Variants in SYNRG observed in about 807,000 individuals in gnomAD.
SYNRG encodes synergin gamma.
A neutral mutation model predicts 130.9 loss-of-function variants in SYNRG; 37 were observed. That is an observed-to-expected ratio of 0.28 (90% CI 0.22 to 0.37). The LOEUF (loss-of-function observed/expected upper bound fraction) is 0.37. Among genes scored for constraint, SYNRG ranks in the 10% least tolerant of loss-of-function variants. The probability of loss-of-function intolerance (pLI) is 1.00; values close to 1 mark genes in which losing one functional copy is unlikely to be tolerated. For synonymous variants in SYNRG, 539 were observed against 568.1 expected, an observed-to-expected ratio of 0.95 and a Z score of 0.73; for missense variants, 1,338 against 1,588.9, an observed-to-expected ratio of 0.84 and a Z score of 2.68.
intron 3 of SYNRG, among the ~76,000 whole-genome samples, chr17:37,594,597 G>T (rs796198607): frequency 1.5e-4 from 23 of 151,952 alleles, no homozygotes; most frequent in African/African-American, 5.3e-4. Flanking sequence ...GAGTAGCTGG[G>T]ATTACAGGCA....
At chr17:37,570,584 G>A in intron 10 of SYNRG, 53 bp downstream of exon 10, 1 of 1,557,978 alleles carries the variant, frequency 6.4e-7, no homozygotes, top group South Asian at 1.2e-5. Flanking sequence ...AAAAAATGGT[G>A]CCCAGATTCA....
intron 18 of SYNRG, chr17:37,537,556 G>C (rs2057321776): frequency 6.6e-6 from 1 of 152,310 alleles, no homozygotes; most frequent in South Asian, 2.1e-4. Context: ...CTTGCGCCTG[G>C]GAGGTGGACG....
At chr17:37,608,180 C>A (rs1443171837) in intron 1 of SYNRG, among the ~76,000 whole-genome samples, 1 of 149,990 alleles carries the variant, frequency 6.7e-6, no homozygotes, top group Non-Finnish European at 1.5e-5. Context: ...GGGTTACACA[C>A]AGGTGGTTTA....
Position 37,542,138 on chromosome 17 carries a change from G to A in SYNRG, c.3036C>T (p.Ala1012=). 3.1e-6 allele frequency: 5 copies of A among 1,614,172 alleles called. No individual in the cohort carries two copies. In the South Asian group the frequency reaches 5.5e-5, roughly 18 times the overall value. ...AACATTCGTTCGGGGTTTCTTGAGA[G>A]GCACCACTGGACGCTGGGCTGGGAC... ...ATCPSPASSG[A]SQETPNECSD... The change falls in exon 15 of 22, where the codon GCC becomes GCT. Residue 1012 remains alanine (A), a synonymous_variant. Coordinates refer to ENST00000612223, the MANE Select transcript of SYNRG (RefSeq NM_007247.6).
Position 37,557,300 on chromosome 17 carries a change from C to T in SYNRG, c.1664-3241G>A, listed in dbSNP as rs185027745. The T allele has an allele frequency of 2.0e-5, 3 of 152,298 alleles. 1 individual carries two copies. Among genetic ancestry groups the T allele is most frequent in the African/African-American group, 7.2e-5 (3 of 41,566 alleles). The allele number at this position is 152,298 out of a possible 1,614,324, so 9.4% of individuals were successfully genotyped here. A position where few individuals can be genotyped will look rare whatever the true frequency, so the allele number is the denominator to read the frequency against. On this transcript the variant is annotated intron_variant, in intron 13 of 21. Transcript: ENST00000612223. ...AACTCTGGAGATGGAAAAAAGGAAA[C>T]ATTATTAAACTCTGTCATTCAGTAA...
chr17:37,581,062 T>C (rs2061291855), intron 6 of SYNRG, among the ~76,000 whole-genome samples: 1 of 152,114 alleles, frequency 6.6e-6, no homozygotes, highest in African/African-American at 2.4e-5. Flanking sequence ...CAAACAACTA[T>C]AGTCAATTTA....
intron 21 of SYNRG, among the ~76,000 whole-genome samples, chr17:37,519,840 G>A (rs550454249): frequency 6.6e-6 from 1 of 152,184 alleles, no homozygotes; most frequent in Non-Finnish European, 1.5e-5. Context: ...CTGTTAAAAT[G>A]GCTAAATGGC....
At chr17:37,588,356 G>A (rs970439966) in intron 3 of SYNRG, among the ~76,000 whole-genome samples, 5 of 147,704 alleles carry the variant, frequency 3.4e-5, no homozygotes, top group South Asian at 4.3e-4. Flanking sequence ...TCCACCTCCC[G>A]GGCTAAAGTG....
chr17:37,540,009 C>T (rs9912364), intron 16 of SYNRG, among the ~76,000 whole-genome samples: 246 of 152,254 alleles, frequency 1.6e-3, no homozygotes, highest in African/African-American at 5.8e-3. Context: ...CATAGCGTGG[C>T]ACTAAGATGC....
intron 3 of SYNRG, among the ~76,000 whole-genome samples, chr17:37,590,196 A>C (rs1908396519): frequency 6.7e-6 from 1 of 149,026 alleles, no homozygotes; most frequent in Admixed American, 6.6e-5. Context: ...AGAAAAGAAA[A>C]GAAACTTAAC....
chr17:37,600,001 G>C (rs1274198939), intron 2 of SYNRG, among the ~76,000 whole-genome samples: 2 of 152,088 alleles, frequency 1.3e-5, no homozygotes, highest in African/African-American at 4.8e-5. Context: ...TAACAATCTA[G>C]CAGAAGACTA....
intron 3 of SYNRG, among the ~76,000 whole-genome samples, chr17:37,590,734 G>A (rs554366283): frequency 1.3e-4 from 20 of 152,024 alleles, no homozygotes; most frequent in African/African-American, 3.1e-4. Flanking sequence ...CAGCCTGGCC[G>A]ACATGGTGAA....
At chr17:37,525,194 G>T (rs991889273) in intron 19 of SYNRG, among the ~76,000 whole-genome samples, 16 of 152,172 alleles carry the variant, frequency 1.1e-4, no homozygotes, top group African/African-American at 3.6e-4. Flanking sequence ...CATATAAGAA[G>T]GTATGCCCTC....
At chr17:37,603,771 G>C (rs972680423) in intron 1 of SYNRG, among the ~76,000 whole-genome samples, 10 of 152,244 alleles carry the variant, frequency 6.6e-5, no homozygotes, top group Admixed American at 3.3e-4. Context: ...TATAGGCAGA[G>C]TAGATTTAGC....
At chr17:37,521,093 T>C (rs1204890538) in intron 19 of SYNRG, among the ~76,000 whole-genome samples, 10 of 149,244 alleles carry the variant, frequency 6.7e-5, no homozygotes, top group African/African-American at 2.0e-4. Context: ...AGTGCAATGG[T>C]GTGATCTCAG....
At chr17:37,603,826 T>C (rs527621602) in intron 1 of SYNRG, among the ~76,000 whole-genome samples, 83 of 152,326 alleles carry the variant, frequency 5.4e-4, no homozygotes, top group African/African-American at 1.9e-3. Flanking sequence ...TCAGTGAGTA[T>C]TGGTTTAATT....
chr17:37,589,705 C>T (rs561479620), intron 3 of SYNRG, among the ~76,000 whole-genome samples: 4 of 151,204 alleles, frequency 2.6e-5, no homozygotes, highest in East Asian at 1.9e-4. Context: ...GCCAAGATCG[C>T]GTCACCACAC....
intron 3 of SYNRG, among the ~76,000 whole-genome samples, chr17:37,586,854 G>A (rs2061731460): frequency 6.6e-6 from 1 of 152,050 alleles, no homozygotes; most frequent in African/African-American, 2.4e-5. Context: ...ATGCCCACAA[G>A]TTATATTCTT....
chr17:37,523,717 G>A (rs1458960148), intron 19 of SYNRG, among the ~76,000 whole-genome samples: 1 of 152,328 alleles, frequency 6.6e-6, no homozygotes, highest in East Asian at 1.9e-4. Flanking sequence ...CTCTGGAGGT[G>A]TGATTGTCTC....
Sources: gnomAD v4.1 joint callset for allele counts (sites outside exome capture counted in the v4.1 genomes callset) on GRCh38, gnomAD v4.1.1 for gene constraint, MANE v1.5 for transcripts, NCBI Gene and HGNC (gene_info 2026-07-23, HGNC 2026-07-21) for gene names.